KIF6: variants seen among roughly 807,000 people sequenced by gnomAD.
KIF6 encodes kinesin-like protein KIF6.
Under a neutral mutation model 112.7 loss-of-function variants are expected in KIF6, and 106 were observed. The ratio of observed to expected loss-of-function variants is 0.94; its 90% CI spans 0.80 to 1.11. The LOEUF (loss-of-function observed/expected upper bound fraction) is 1.11, where lower values mean the gene tolerates loss of function less well. Among genes scored for constraint, KIF6 ranks in the 50% least tolerant of loss-of-function variants. The pLI, the probability that KIF6 is intolerant of heterozygous loss-of-function variation, is 0.00. For missense variants in KIF6, 929 were observed against 964.0 expected, an observed-to-expected ratio of 0.96 and a Z score of 0.48; for synonymous variants, 339 against 339.9, an observed-to-expected ratio of 1.00 and a Z score of 0.03.
chr6:39,347,412 C>T (rs532709172), intron 19 of KIF6, among the ~76,000 whole-genome samples: 8 of 152,314 alleles, frequency 5.3e-5, no homozygotes, highest in East Asian at 3.9e-4. Flanking sequence ...CTGACATGTG[C>T]GCCTTGCCTT....
At position 39,562,063 on chromosome 6, in the gene KIF6, G is replaced by T. The variant is rs185591276; in HGVS notation, c.1181+15993C>A. ...ATTTGACCCAAAGGGTGGCTAATAA[G>T]AAAAATTAGGCTCTGTCCTGTGTTT... On this transcript the variant is annotated intron_variant, in intron 10 of 22. Transcript: ENST00000287152. Among the ~76,000 whole-genome samples, 4 of 152,304 alleles carry T rather than the reference G, an allele frequency of 2.6e-5. No individual in the cohort carries two copies. In the East Asian group the frequency reaches 7.7e-4, roughly 29 times the overall value.
At position 39,378,343 on chromosome 6, in the gene KIF6, C is replaced by T. The variant is rs112396372; in HGVS notation, c.1861+7279G>A. Among the ~76,000 whole-genome samples, 3 of 151,908 alleles carry T rather than the reference C, an allele frequency of 2.0e-5. No individual in the cohort carries two copies. The highest frequency in any genetic ancestry group is 7.2e-5 in the African/African-American group (3 of 41,386). The stretch of plus-strand genomic sequence containing the variant: ...AACACATACAACATATCCAACATAC[C>T]ACATACACACATACCACGTGCCACA... On this transcript the variant is annotated intron_variant, in intron 16 of 22. Coordinates refer to ENST00000287152, the MANE Select transcript of KIF6 (RefSeq NM_145027.6). This position sits in a 1 kb window ranked among gnomAD's most constrained non-coding sequence, Gnocchi z 5.0.
chr6:39,639,508 A>G (rs1784798007), intron 4 of KIF6, 102 bp downstream of exon 4: 4 of 979,200 alleles, frequency 4.1e-6, no homozygotes, highest in Non-Finnish European at 5.7e-6. Context: ...AGACTTTATC[A>G]TTTAGACACA....
chr6:39,402,422 T>C (rs557963556), intron 15 of KIF6, among the ~76,000 whole-genome samples: 8 of 152,308 alleles, frequency 5.3e-5, no homozygotes, highest in African/African-American at 1.9e-4. Flanking sequence ...GAGACATTTC[T>C]GGCTGTGCGG....
At chr6:39,383,134 A>G (rs1228596251) in intron 16 of KIF6, among the ~76,000 whole-genome samples, 1 of 151,944 alleles carries the variant, frequency 6.6e-6, no homozygotes, top group Non-Finnish European at 1.5e-5. Flanking sequence ...CTCTGTTGAG[A>G]GCTTCTTTTG....
rs924898937 is a variant in KIF6 at position 39,342,916 on chromosome 6, G to A, written c.2428+793C>T. ...GGGCAGGCATCAGTCATTATACATC[G>A]AATCTGCCAGCCCATACCATCACGG... On this transcript the variant is annotated intron_variant, in intron 22 of 22. Coordinates refer to ENST00000287152, the MANE Select transcript of KIF6 (RefSeq NM_145027.6). This position sits in a 1 kb window ranked among gnomAD's most constrained non-coding sequence, Gnocchi z 4.7. 6 of 985,322 alleles carry A rather than the reference G, an allele frequency of 6.1e-6. No homozygotes were observed. The highest frequency in any genetic ancestry group is 5.2e-5 in the African/African-American group (3 of 57,238). 61.0% of individuals were successfully genotyped at this position (985,322 alleles called of 1,614,324 possible). A position where few individuals can be genotyped will look rare whatever the true frequency, so the allele number is the denominator to read the frequency against.
Position 39,520,126 on chromosome 6 carries a change from A to T in KIF6, c.1645+19877T>A, listed in dbSNP as rs146057000. ...GACTTCCCTATTCCTCTTCCGGAGC[A>T]GTTTCTTATATACTAGCTATGAATC... On this transcript the variant is annotated intron_variant, in intron 13 of 22. Transcript: ENST00000287152. 9.7e-4 allele frequency among the ~76,000 whole-genome samples: 148 copies of T among 152,304 alleles called. 1 individual carries two copies. The highest frequency in any genetic ancestry group is 1.9e-3 in the Non-Finnish European group (127 of 68,030).
intron 4 of KIF6, among the ~76,000 whole-genome samples, chr6:39,635,950 G>C (rs557691335): frequency 1.3e-5 from 2 of 152,140 alleles, no homozygotes; most frequent in South Asian, 4.1e-4. Context: ...TATACTAACA[G>C]AGAATTTGCT....
chr6:39,347,720 G>A (rs955246158), intron 19 of KIF6, among the ~76,000 whole-genome samples: 5 of 152,230 alleles, frequency 3.3e-5, no homozygotes, highest in Non-Finnish European at 7.3e-5. Context: ...TGCATCTTCA[G>A]TCCAAGGTAC....
At chr6:39,521,414 A>C (rs1355997577) in intron 13 of KIF6, among the ~76,000 whole-genome samples, 1 of 152,172 alleles carries the variant, frequency 6.6e-6, no homozygotes, top group Non-Finnish European at 1.5e-5. Flanking sequence ...CCAATTTTAT[A>C]AACATCCAAC....
intron 13 of KIF6, among the ~76,000 whole-genome samples, chr6:39,440,986 A>G (rs537013153): frequency 1.4e-3 from 210 of 152,332 alleles, no homozygotes; most frequent in African/African-American, 4.9e-3. Context: ...GCTATAACAG[A>G]TCTTATAAGA....
At chr6:39,641,318 A>T (rs559180415) in intron 3 of KIF6, among the ~76,000 whole-genome samples, 9 of 152,300 alleles carry the variant, frequency 5.9e-5, no homozygotes, top group Non-Finnish European at 1.0e-4. Context: ...GCAGCCATAA[A>T]AATTGATGAG....
At chr6:39,705,042 C>T (rs192550788) in intron 3 of KIF6, among the ~76,000 whole-genome samples, 5 of 152,276 alleles carry the variant, frequency 3.3e-5, no homozygotes, top group East Asian at 1.9e-4. Flanking sequence ...ATACCAATTT[C>T]GGAATTGTAA....
chr6:39,365,403 G>T (rs1269793391), intron 16 of KIF6, among the ~76,000 whole-genome samples: 1 of 152,132 alleles, frequency 6.6e-6, no homozygotes, highest in Non-Finnish European at 1.5e-5. Context: ...AGCCCCCCAA[G>T]TCTCAGGCAC....
chr6:39,386,849 T>TGG (rs1440697178), intron 15 of KIF6, among the ~76,000 whole-genome samples: 1 of 152,172 alleles, frequency 6.6e-6, no homozygotes, highest in Non-Finnish European at 1.5e-5. Context: ...ATGTCCCATT[T>TGG]GGGGGATGTG....
chr6:39,469,520 A>G (rs1773995815), intron 13 of KIF6, among the ~76,000 whole-genome samples: 1 of 152,174 alleles, frequency 6.6e-6, no homozygotes, highest in South Asian at 2.1e-4. Context: ...GTTATTAGAC[A>G]AAGTAGACTT....
chr6:39,624,089 C>T (rs1783962205), intron 5 of KIF6, among the ~76,000 whole-genome samples: 1 of 152,140 alleles, frequency 6.6e-6, no homozygotes, highest in Non-Finnish European at 1.5e-5. Flanking sequence ...CTGAAGTGGG[C>T]TCCTTTTATG....
intron 6 of KIF6, among the ~76,000 whole-genome samples, chr6:39,602,469 T>C (rs1256968603): frequency 6.6e-6 from 1 of 152,186 alleles, no homozygotes; most frequent in Non-Finnish European, 1.5e-5. Context: ...TTCAAGCTCC[T>C]TGAGGACAGG....
At chr6:39,436,586 G>T (rs1285483130) in intron 13 of KIF6, among the ~76,000 whole-genome samples, 1 of 151,850 alleles carries the variant, frequency 6.6e-6, no homozygotes, top group East Asian at 1.9e-4. Context: ...TCTACATGTG[G>T]CTATCCAATT....
Sources: allele counts gnomAD v4.1 joint callset (sites outside exome capture counted in the v4.1 genomes callset), GRCh38; gene constraint gnomAD v4.1.1; non-coding constraint Gnocchi (gnomAD v3.1); transcripts MANE v1.5; gene names NCBI Gene and HGNC (gene_info 2026-07-23, HGNC 2026-07-21).